The following ADAMTSL1 variants were observed in gnomAD, a reference collection of about 807,000 sequenced individuals.
ADAMTSL1 encodes ADAMTS like 1, also known as ADAMTS-like protein 1.
ADAMTSL1 carries 126 observed loss-of-function variants against 201.8 expected under a neutral mutation model. That is an observed-to-expected ratio of 0.62 (90% CI 0.54 to 0.72). The LOEUF is 0.72. Ranked by LOEUF, ADAMTSL1 falls within the 30% of genes least tolerant of loss-of-function variation. ADAMTSL1 has a pLI of 0.00. For missense variants in ADAMTSL1, 2,679 were observed against 2,277.8 expected, an observed-to-expected ratio of 1.18 and a Z score of -3.59; for synonymous variants, 1,121 against 903.4, an observed-to-expected ratio of 1.24 and a Z score of -4.32.
chr9:18,437,408 C>A (rs1428764757), intron 2 of ADAMTSL1, among the ~76,000 whole-genome samples: 2 of 152,152 alleles, frequency 1.3e-5, no homozygotes, highest in Non-Finnish European at 2.9e-5. Flanking sequence ...TCCAATGAGA[C>A]CCCTTCTTCT....
chr9:18,103,374 G>A (rs1481686080), intron 1 of ADAMTSL1, among the ~76,000 whole-genome samples: 3 of 152,066 alleles, frequency 2.0e-5, no homozygotes, highest in Non-Finnish European at 2.9e-5. Flanking sequence ...TACTTATAAC[G>A]ATGTTTTCTC....
intron 1 of ADAMTSL1, among the ~76,000 whole-genome samples, chr9:17,941,696 G>C (rs939983953): frequency 6.6e-6 from 1 of 152,060 alleles, no homozygotes; most frequent in African/African-American, 2.4e-5. Context: ...AAGTGTGTGG[G>C]TTTATTTAAA....
chr9:17,977,507 A>G (rs1056949375), intron 1 of ADAMTSL1, among the ~76,000 whole-genome samples: 1 of 151,920 alleles, frequency 6.6e-6, no homozygotes, highest in South Asian at 2.1e-4. Context: ...CTATTTCTCC[A>G]TTATTTAGTC....
chr9:18,428,478 G>A (rs192729477), intron 2 of ADAMTSL1, among the ~76,000 whole-genome samples: 57 of 151,778 alleles, frequency 3.8e-4, no homozygotes, highest in African/African-American at 1.1e-3. Flanking sequence ...TAATTAGCTG[G>A]GCAAGGTAGC....
intron 3 of ADAMTSL1, among the ~76,000 whole-genome samples, chr9:18,562,556 G>T (rs1774428282): frequency 6.6e-6 from 1 of 152,162 alleles, no homozygotes; most frequent in Non-Finnish European, 1.5e-5. Flanking sequence ...GAATTTGAAT[G>T]TTGGCCTGTC....
At chr9:18,805,273 C>G (rs530976980) in intron 20 of ADAMTSL1, among the ~76,000 whole-genome samples, 4 of 152,354 alleles carry the variant, frequency 2.6e-5, no homozygotes, top group South Asian at 4.1e-4. Flanking sequence ...ATTATTTCTT[C>G]TAATTACACT....
intron 1 of ADAMTSL1, among the ~76,000 whole-genome samples, chr9:17,955,287 G>A (rs1827887576): frequency 6.6e-6 from 1 of 152,122 alleles, no homozygotes; most frequent in Admixed American, 6.6e-5. Context: ...CATCTCTTCT[G>A]GGGACCCAGA....
At chr9:18,748,463 G>A (rs1215825564) in intron 15 of ADAMTSL1, among the ~76,000 whole-genome samples, 3 of 152,210 alleles carry the variant, frequency 2.0e-5, no homozygotes, top group Admixed American at 6.5e-5. Context: ...TAATCTTGCT[G>A]TGGTAAAATG....
At chr9:17,963,459 T>C (rs1817841209) in intron 1 of ADAMTSL1, among the ~76,000 whole-genome samples, 1 of 152,152 alleles carries the variant, frequency 6.6e-6, no homozygotes, top group African/African-American at 2.4e-5. Context: ...ATTGTTAAAG[T>C]AATAAAATTT....
intron 20 of ADAMTSL1, among the ~76,000 whole-genome samples, chr9:18,797,672 C>T (rs1294672701): frequency 6.6e-6 from 1 of 152,130 alleles, no homozygotes; most frequent in Non-Finnish European, 1.5e-5. Context: ...TCCTTATTAG[C>T]TGTGTGATCT....
chr9:18,773,183 C>G (rs1228228687), intron 17 of ADAMTSL1, among the ~76,000 whole-genome samples: 1 of 152,120 alleles, frequency 6.6e-6, no homozygotes, highest in Non-Finnish European at 1.5e-5. Flanking sequence ...ACTATCTGGG[C>G]TCAATCTCAT....
At chr9:18,505,174 A>G (rs1157746325) in intron 2 of ADAMTSL1, among the ~76,000 whole-genome samples, 2 of 152,246 alleles carry the variant, frequency 1.3e-5, no homozygotes, top group African/African-American at 4.8e-5. Flanking sequence ...TACTCTTATC[A>G]GATGATAAGC....
In ADAMTSL1 at chr9:18,645,705, GCA is replaced by G. The variant is rs1348420217; in HGVS notation, c.834+6295_834+6296del. Among the ~76,000 whole-genome samples the G allele has an allele frequency of 5.6e-3, 823 of 148,166 alleles. 5 individuals carry two copies. The highest frequency in any genetic ancestry group is 0.019 in the African/African-American group (770 of 39,678). ...TCAAAGATCAGATAGTTGTAGATATGCAGCATTATTTCTGAGGGCTCTGTTCT... is the reference window on the plus strand; with the variant it reads ...TCAAAGATCAGATAGTTGTAGATATGGCATTATTTCTGAGGGCTCTGTTCT... On this transcript the variant is annotated intron_variant, in intron 7 of 28. Coordinates refer to ENST00000380548, the MANE Select transcript of ADAMTSL1 (RefSeq NM_001040272.6).
At chr9:18,291,217 G>A (rs1222923766) in intron 2 of ADAMTSL1, among the ~76,000 whole-genome samples, 1 of 152,142 alleles carries the variant, frequency 6.6e-6, no homozygotes, top group Non-Finnish European at 1.5e-5. Context: ...TAAAATAAAT[G>A]ATACTAAATC....
At chr9:18,365,813 G>C (rs1286309083) in intron 2 of ADAMTSL1, among the ~76,000 whole-genome samples, 3 of 152,200 alleles carry the variant, frequency 2.0e-5, no homozygotes, top group African/African-American at 7.2e-5. Flanking sequence ...CAGCTGGGGA[G>C]CCAGAATTAC....
intron 2 of ADAMTSL1, among the ~76,000 whole-genome samples, chr9:18,204,873 T>C (rs1829588781): frequency 6.6e-6 from 1 of 152,204 alleles, no homozygotes; most frequent in African/African-American, 2.4e-5. Context: ...AATAAGCTTT[T>C]GAAAACATCT....
intron 1 of ADAMTSL1, among the ~76,000 whole-genome samples, chr9:18,099,816 CG>C (rs1217952948): frequency 6.6e-6 from 1 of 151,522 alleles, no homozygotes; most frequent in Admixed American, 6.6e-5. Context: ...TTAGTAGAGA[CG>C]GGGTTTCACT....
chr9:18,740,733 TC>T (rs1177403589), intron 15 of ADAMTSL1, among the ~76,000 whole-genome samples: 1 of 152,062 alleles, frequency 6.6e-6, no homozygotes, highest in Non-Finnish European at 1.5e-5. Flanking sequence ...CACCTTGGCC[TC>T]CCAAATTGCT....
intron 1 of ADAMTSL1, among the ~76,000 whole-genome samples, chr9:18,150,231 C>T (rs1203207552): frequency 1.3e-5 from 2 of 151,974 alleles, no homozygotes; most frequent in Non-Finnish European, 2.9e-5. Context: ...AGTGGTATAA[C>T]AATGGAGCAC....
Sources: gnomAD v4.1 joint callset for allele counts (sites outside exome capture counted in the v4.1 genomes callset) on GRCh38, gnomAD v4.1.1 for gene constraint, MANE v1.5 for transcripts, NCBI Gene and HGNC (gene_info 2026-07-23, HGNC 2026-07-21) for gene names.